Variants in SGCD observed in about 807,000 individuals in gnomAD.
SGCD encodes the protein delta-sarcoglycan.
A neutral mutation model predicts 36.6 loss-of-function variants in SGCD; 18 were observed. The observed-to-expected ratio is 0.49, with a 90% confidence interval of 0.34 to 0.73. SGCD has a LOEUF of 0.73. Ranked by LOEUF, SGCD falls within the 30% of genes least tolerant of loss-of-function variation. The probability of loss-of-function intolerance (pLI) is 0.01; values close to 1 mark genes in which losing one functional copy is unlikely to be tolerated. For missense variants in SGCD, 387 were observed against 346.7 expected (o/e 1.12, Z -0.92); for synonymous variants, 133 against 130.6 (o/e 1.02, Z -0.12).
At chr5:155,881,284 C>T (rs781339640) in intron 1 of SGCD, among the ~76,000 whole-genome samples, 4 of 80,060 alleles carry the variant, frequency 5.0e-5, no homozygotes, top group Middle Eastern at 6.3e-3. Flanking sequence ...TCCAGATCAC[C>T]ACCTCACCAC....
intron 1 of SGCD, among the ~76,000 whole-genome samples, chr5:155,914,337 C>T (rs774448810): frequency 6.6e-6 from 1 of 152,122 alleles, no homozygotes; most frequent in East Asian, 1.9e-4. Context: ...TGACAAAGTT[C>T]TTACATCCAT....
In SGCD at chr5:156,546,249, A is replaced by G. The variant is rs191470123; in HGVS notation, c.294+37547A>G. On this transcript the variant is annotated intron_variant, in intron 4 of 8. Transcript: ENST00000337851. ...GGAAAATTCAGGATTAGATGGTATC[A>G]TTCTCTGAAAAATTATAAAGAGATA... 2.2e-3 allele frequency among the ~76,000 whole-genome samples: 337 copies of G among 152,350 alleles called. 1 individual carries two copies. Among genetic ancestry groups the G allele is most frequent in the African/African-American group, 7.6e-3 (317 of 41,584 alleles).
At chr5:156,054,003 C>G (rs953771730) in intron 1 of SGCD, among the ~76,000 whole-genome samples, 5 of 145,292 alleles carry the variant, frequency 3.4e-5, no homozygotes, top group African/African-American at 9.9e-5. Context: ...AAGGCCCTAC[C>G]GCTTAATACT....
intron 1 of SGCD, among the ~76,000 whole-genome samples, chr5:155,961,880 G>A (rs2033455): frequency 0.056 from 8,525 of 152,056 alleles, 261 homozygotes; most frequent in South Asian, 0.089. Flanking sequence ...AGCTTTCTGC[G>A]TAGATATTTG....
chr5:156,518,727 A>G (rs1757285621), intron 4 of SGCD, among the ~76,000 whole-genome samples: 2 of 152,222 alleles, frequency 1.3e-5, no homozygotes, highest in South Asian at 2.1e-4. Flanking sequence ...AACTGCATGG[A>G]AATTGAGCAA....
At chr5:156,615,336 A>C (rs1761979772) in intron 6 of SGCD, among the ~76,000 whole-genome samples, 1 of 152,258 alleles carries the variant, frequency 6.6e-6, no homozygotes, top group Non-Finnish European at 1.5e-5. Context: ...ACTGTAGATT[A>C]GTTTTTTAAA....
intron 3 of SGCD, among the ~76,000 whole-genome samples, chr5:156,366,730 T>C (rs978280557): frequency 3.3e-5 from 5 of 152,142 alleles, no homozygotes; most frequent in African/African-American, 1.2e-4. Flanking sequence ...TCAGTTTTCA[T>C]TGAAAGCCAG....
chr5:156,427,670 G>T (rs989137622), intron 3 of SGCD, among the ~76,000 whole-genome samples: 5 of 151,888 alleles, frequency 3.3e-5, no homozygotes, highest in African/African-American at 1.2e-4. Flanking sequence ...GTTGGCTGTG[G>T]GTTTGTCATA....
In SGCD at chr5:156,344,538, T is replaced by A; in HGVS notation, c.53T>A (p.Val18Glu). 1 of 1,610,732 alleles carries A rather than the reference T, an allele frequency of 6.2e-7. No individual in the cohort carries two copies. Among genetic ancestry groups the A allele is most frequent in the Non-Finnish European group, 8.5e-7 (1 of 1,178,424 alleles). The change falls in exon 3 of 9, where the codon GTG becomes GAG. Residue 18 changes from valine (V) to glutamate (E), a missense_variant. Physicochemically the swap from Val to Glu is moderately radical, Grantham distance 121. Coordinates refer to ENST00000337851, the MANE Select transcript of SGCD (RefSeq NM_000337.6). The stretch of plus-strand genomic sequence containing the variant: ...CACCGGAGCACCATGCCTGGCTCTG[T>A]GGGGCCACAGGTATACAAGGTGGGG... ...THHRSTMPGS[V>E]GPQVYKVGIY...
intron 3 of SGCD, among the ~76,000 whole-genome samples, chr5:156,225,044 CT>C (rs1349432065): frequency 1.3e-5 from 2 of 152,010 alleles, no homozygotes; most frequent in African/African-American, 4.8e-5. Flanking sequence ...TATTTATCAC[CT>C]CTGAAATAGA....
intron 7 of SGCD, among the ~76,000 whole-genome samples, chr5:156,656,903 G>GTTGTT (rs951882928): frequency 2.6e-5 from 4 of 152,088 alleles, no homozygotes; most frequent in East Asian, 1.9e-4. Flanking sequence ...TTTTGTTGTT[G>GTTGTT]TTGTTTTGTT....
At chr5:156,280,398 A>C (rs915344214) in intron 3 of SGCD, among the ~76,000 whole-genome samples, 1 of 152,326 alleles carries the variant, frequency 6.6e-6, no homozygotes, top group East Asian at 1.9e-4. Flanking sequence ...ATTCACCTAC[A>C]GGGTCAGGCT....
upstream of SGCD, among the ~76,000 whole-genome samples, chr5:156,325,366 A>AG (rs1415555575): frequency 6.7e-6 from 1 of 150,252 alleles, no homozygotes; most frequent in Non-Finnish European, 1.5e-5. Context: ...TGCTCCATTA[A>AG]AAAAAAAAGT....
intron 7 of SGCD, among the ~76,000 whole-genome samples, chr5:156,697,792 G>GATGA (rs1194384864): frequency 6.0e-5 from 9 of 150,178 alleles, no homozygotes; most frequent in African/African-American, 2.2e-4. Context: ...TGGATGGATG[G>GATGA]ATGAGTGGGT....
At chr5:156,399,836 G>A (rs754311356) in intron 3 of SGCD, among the ~76,000 whole-genome samples, 1 of 152,064 alleles carries the variant, frequency 6.6e-6, no homozygotes, top group African/African-American at 2.4e-5. Flanking sequence ...CATATCTAAC[G>A]TCGTATTTCT....
At chr5:156,068,105 TTTTTA>T (rs879680827) in intron 1 of SGCD, among the ~76,000 whole-genome samples, 3 of 147,600 alleles carry the variant, frequency 2.0e-5, no homozygotes, top group South Asian at 2.1e-4. Context: ...TATATTTTTA[TTTTTA>T]TTTTATTTTA....
At chr5:156,005,583 T>A (rs1465436516) in intron 1 of SGCD, among the ~76,000 whole-genome samples, 1 of 152,122 alleles carries the variant, frequency 6.6e-6, no homozygotes, top group African/African-American at 2.4e-5. Context: ...CCCGAGTAGC[T>A]GGGACTACAG....
chr5:156,324,909 T>C (rs1048306477), upstream of SGCD, among the ~76,000 whole-genome samples: 8 of 152,244 alleles, frequency 5.3e-5, no homozygotes, highest in African/African-American at 1.2e-4. Flanking sequence ...AAAGATTTCT[T>C]CCTCAACTTG....
chr5:156,692,168 T>TA (rs1392703805), intron 7 of SGCD, among the ~76,000 whole-genome samples: 5 of 152,340 alleles, frequency 3.3e-5, no homozygotes, highest in African/African-American at 1.2e-4. Context: ...CTCAAGACTC[T>TA]ACAAAGTACT....
Sources: allele counts gnomAD v4.1 joint callset (sites outside exome capture counted in the v4.1 genomes callset), GRCh38; gene constraint gnomAD v4.1.1; transcripts MANE v1.5; gene names NCBI Gene and HGNC (gene_info 2026-07-23, HGNC 2026-07-21).